The following ANKRD65 variants were observed in gnomAD, a reference collection of about 807,000 sequenced individuals.
ANKRD65 encodes the protein ankyrin repeat domain 65.
In ANKRD65, 26 loss-of-function variants were observed where a neutral mutation model predicts 17.2. That is an observed-to-expected ratio of 1.51 (90% CI 1.11 to 2.09). The LOEUF (loss-of-function observed/expected upper bound fraction) is 2.09, where lower values mean the gene tolerates loss of function less well. ANKRD65 is among the 30% of genes most tolerant of loss of function. ANKRD65 has a pLI of 0.00. For synonymous variants in ANKRD65, 311 were observed against 272.2 expected (o/e 1.14, Z -1.40); for missense variants, 621 against 542.2 (o/e 1.15, Z -1.44).
Position 1,419,433 on chromosome 1 carries a change from G to C in ANKRD65, c.867C>G (p.Val289=), listed in dbSNP as rs1483926809. 6 of 1,549,530 alleles carry C rather than the reference G, an allele frequency of 3.9e-6. No homozygotes were observed. The highest frequency in any genetic ancestry group is 5.2e-6 in the Non-Finnish European group (6 of 1,146,854). Residue 289 remains valine, a synonymous_variant, in exon 4 of 4, where the codon GTC becomes GTG. Transcript: ENST00000537107. The stretch of plus-strand genomic sequence containing the variant: ...GCGCATCCACCTCGGCCCCCTGGGT[G>C]ACCAGCAACTGGACGGCAAGCAGGT... ...RGHLLAVQLL[V]TQGAEVDARD...
In ANKRD65 at chr1:1,421,002, C is replaced by T; in HGVS notation, c.4G>A (p.Asp2Asn). Reference sequence around the variant, plus strand: ...TCTCTGGGCTCAGGCCTCTGGGAGTCCATCTGGGGGGGAGCAGGGATCCTA... The same window carrying T: ...TCTCTGGGCTCAGGCCTCTGGGAGTTCATCTGGGGGGGAGCAGGGATCCTA... M[D>N]SQRPEPREEE... The change falls in exon 2 of 4, where the codon GAC becomes AAC. Residue 2 changes from aspartate to asparagine, a missense_variant. Coordinates refer to ENST00000537107, the MANE Select transcript of ANKRD65 (RefSeq NM_001145210.3). 6.5e-7 allele frequency: 1 copy of T among 1,550,344 alleles called. No individual in the cohort carries two copies. Among genetic ancestry groups the T allele is most frequent in the Non-Finnish European group, 8.7e-7 (1 of 1,146,920 alleles).
Position 1,421,216 on chromosome 1 carries a change from C to G in ANKRD65, c.-84G>C. 1.7e-6 allele frequency: 1 copy of G among 581,140 alleles called. No individual in the cohort carries two copies. The allele number at this position is 581,140 out of a possible 1,614,324, so 36.0% of individuals were successfully genotyped here. ...CTGGCCGAGGCTCAGCCTGGTGACCCTCTTCACAAAATCCCTTCTGCAGGC... is the reference window on the plus strand; with the variant it reads ...CTGGCCGAGGCTCAGCCTGGTGACCGTCTTCACAAAATCCCTTCTGCAGGC... On this transcript the variant is annotated 5_prime_UTR_variant, in exon 1 of 4. Transcript: ENST00000537107.
rs867093491 is a variant in ANKRD65 at position 1,419,526 on chromosome 1, G to A, written c.774C>T (p.His258=). The A allele has an allele frequency of 3.5e-5, 54 of 1,535,726 alleles. No homozygotes were observed. The highest frequency in any genetic ancestry group is 4.0e-5 in the Non-Finnish European group (46 of 1,143,142). Reference sequence around the variant, plus strand: ...TGTCCCTGATGCCTGGGTCTGCCCCGTGGCCCAGCAGCACCTCAATGTCCT... The same window carrying A: ...TGTCCCTGATGCCTGGGTCTGCCCCATGGCCCAGCAGCACCTCAATGTCCT... ...RSQDIEVLLG[H]GADPGIRDRH... Residue 258 remains histidine (H), a synonymous_variant, in exon 4 of 4, where the codon CAC becomes CAT. Coordinates refer to ENST00000537107, the MANE Select transcript of ANKRD65 (RefSeq NM_001145210.3).
chr1:1,419,430 G>A lies in ANKRD65; in HGVS notation c.870C>T (p.Thr290=). Residue 290 remains threonine (T), a synonymous_variant, in exon 4 of 4, where the codon ACC becomes ACT. Coordinates refer to ENST00000537107, the MANE Select transcript of ANKRD65 (RefSeq NM_001145210.3). ...CCCGCGCATCCACCTCGGCCCCCTG[G>A]GTGACCAGCAACTGGACGGCAAGCA... is the stretch of plus-strand genomic sequence containing the variant. The part of the protein sequence containing the change: ...GHLLAVQLLV[T]QGAEVDARDT... The A allele has an allele frequency of 1.3e-6, 2 of 1,549,574 alleles. No homozygotes were observed. The highest frequency in any genetic ancestry group is 1.7e-6 in the Non-Finnish European group (2 of 1,146,844).
Position 1,419,288 on chromosome 1 carries a change from G to T in ANKRD65, c.1012C>A (p.Pro338Thr). The T allele has an allele frequency of 6.5e-7, 1 of 1,550,358 alleles. No individual in the cohort carries two copies. Among genetic ancestry groups the T allele is most frequent in the South Asian group, 1.2e-5 (1 of 84,054 alleles). ...CCTCGCTCTGCAGCCAGGTGTAGGGGGGTCTTTCGGAGCCAGCCGGTAGCA... is the reference window on the plus strand; with the variant it reads ...CCTCGCTCTGCAGCCAGGTGTAGGGTGGTCTTTCGGAGCCAGCCGGTAGCA... ...VDATGWLRKTPLHLAAERGHG... is the reference protein window; with the variant it reads ...VDATGWLRKTTLHLAAERGHG... Residue 338 changes from proline (P) to threonine (T), a missense_variant, in exon 4 of 4, where the codon CCC (proline) becomes ACC (threonine). Physicochemically the swap from Pro to Thr is conservative, Grantham distance 38. Transcript: ENST00000537107.
chr1:1,419,448 G>A lies in ANKRD65; in HGVS notation c.852C>T (p.Ala284=), dbSNP rs772120392. Residue 284 remains alanine (A), a synonymous_variant, in exon 4 of 4, where the codon GCC becomes GCT. Coordinates refer to ENST00000537107, the MANE Select transcript of ANKRD65 (RefSeq NM_001145210.3). The part of the protein sequence containing the change: ...HRAAARGHLL[A]VQLLVTQGAE... ...CCCCCTGGGTGACCAGCAACTGGAC[G>A]GCAAGCAGGTGTCCTCGGGCGGCAG... 8.1e-5 allele frequency: 125 copies of A among 1,549,074 alleles called. No individual in the cohort carries two copies. The highest frequency in any genetic ancestry group is 1.7e-4 in the Middle Eastern group (1 of 6,014).
In ANKRD65 at chr1:1,420,537, G is replaced by A; in HGVS notation, c.265C>T (p.Leu89=). The A allele has an allele frequency of 1.5e-6, 2 of 1,313,776 alleles. No individual in the cohort carries two copies. The highest frequency in any genetic ancestry group is 1.9e-6 in the Non-Finnish European group (2 of 1,037,876). The allele number at this position is 1,313,776 out of a possible 1,614,324, so 81.4% of individuals were successfully genotyped here. A position where few individuals can be genotyped will look rare whatever the true frequency, so the allele number is the denominator to read the frequency against. ...HLAVLRGHAP[L]VRLLLQRGAP... ...CCTCGCTGCAGCAGGAGACGCACCA[G>A]GGGCGCGTGGCCCCGCAGCACGGCC... is the stretch of plus-strand genomic sequence containing the variant. Residue 89 remains leucine, a synonymous_variant, in exon 3 of 4, where the codon CTG becomes TTG. Transcript: ENST00000537107.
Position 1,420,312 on chromosome 1 carries a change from C to T in ANKRD65, c.490G>A (p.Gly164Ser), listed in dbSNP as rs1375208604. Residue 164 changes from glycine (G) to serine (S), a missense_variant, in exon 3 of 4, where the codon GGC becomes AGC. By Grantham distance (56) the Gly-to-Ser change is moderately conservative. Transcript: ENST00000537107. ...LLAARLLEAP[G>S]PGPAAAEAED... ...GCCTCCGCTGCCGCGGGTCCCGGGC[C>T]CGGAGCCTCCAGCAGGCGCGCGGCC... is the stretch of plus-strand genomic sequence containing the variant. The T allele has an allele frequency of 2.8e-6, 3 of 1,090,254 alleles. No homozygotes were observed. The highest frequency in any genetic ancestry group is 5.1e-5 in the Admixed American group (1 of 19,472). 67.5% of individuals were successfully genotyped at this position (1,090,254 alleles called of 1,614,324 possible).
In ANKRD65 at chr1:1,419,458, T is replaced by C. The variant is rs1164385539; in HGVS notation, c.842A>G (p.His281Arg). The C allele has an allele frequency of 4.5e-6, 7 of 1,548,786 alleles. No homozygotes were observed. The South Asian group carries it at 8.3e-5, about 18-fold the overall frequency. Residue 281 changes from histidine to arginine, a missense_variant, in exon 4 of 4, where the codon CAC becomes CGC. His to Arg is a conservative substitution (Grantham distance 29). Coordinates refer to ENST00000537107, the MANE Select transcript of ANKRD65 (RefSeq NM_001145210.3). ...SALHRAAARG[H>R]LLAVQLLVTQ... ...GACCAGCAACTGGACGGCAAGCAGG[T>C]GTCCTCGGGCGGCAGCCCTGTGCAG...
In ANKRD65 at chr1:1,419,448, G is replaced by T. The variant is rs772120392; in HGVS notation, c.852C>A (p.Ala284=). The T allele has an allele frequency of 6.5e-7, 1 of 1,549,192 alleles. No individual in the cohort carries two copies. The highest frequency in any genetic ancestry group is 2.0e-5 in the Admixed American group (1 of 51,006). The stretch of plus-strand genomic sequence containing the variant: ...CCCCCTGGGTGACCAGCAACTGGAC[G>T]GCAAGCAGGTGTCCTCGGGCGGCAG... ...HRAAARGHLL[A]VQLLVTQGAE... The change falls in exon 4 of 4, where the codon GCC becomes GCA. Residue 284 remains alanine, a synonymous_variant. Transcript: ENST00000537107.
chr1:1,419,441 A>T lies in ANKRD65; in HGVS notation c.859T>A (p.Leu287Met). The T allele has an allele frequency of 6.5e-7, 1 of 1,549,340 alleles. No individual in the cohort carries two copies. Among genetic ancestry groups the T allele is most frequent in the Non-Finnish European group, 8.7e-7 (1 of 1,146,834 alleles). The part of the protein sequence containing the change: ...AARGHLLAVQ[L>M]LVTQGAEVDA... ...ACCTCGGCCCCCTGGGTGACCAGCAACTGGACGGCAAGCAGGTGTCCTCGG... is the reference window on the plus strand; with the variant it reads ...ACCTCGGCCCCCTGGGTGACCAGCATCTGGACGGCAAGCAGGTGTCCTCGG... Residue 287 changes from leucine (L) to methionine (M), a missense_variant, in exon 4 of 4, where the codon TTG becomes ATG. Leu to Met is a conservative substitution (Grantham distance 15). Coordinates refer to ENST00000537107, the MANE Select transcript of ANKRD65 (RefSeq NM_001145210.3).
Position 1,419,243 on chromosome 1 carries a change from G to T in ANKRD65, c.1057C>A (p.Leu353Ile). Residue 353 changes from leucine to isoleucine, a missense_variant, in exon 4 of 4, where the codon CTT becomes ATT. Physicochemically the swap from Leu to Ile is conservative, Grantham distance 5 (BLOSUM62 2). Transcript: ENST00000537107. Reference protein sequence around the residue: ...AERGHGPTVGLLLSRGASPTL... With the variant: ...AERGHGPTVGILLSRGASPTL... The stretch of plus-strand genomic sequence containing the variant: ...GGGCTGGCCCCTCGGCTCAGCAGAA[G>T]CCCCACGGTAGGCCCATGCCCTCGC... 6.5e-7 allele frequency: 1 copy of T among 1,550,350 alleles called. No homozygotes were observed. Among genetic ancestry groups the T allele is most frequent in the Non-Finnish European group, 8.7e-7 (1 of 1,146,880 alleles).
chr1:1,419,506 C>T lies in ANKRD65; in HGVS notation c.794G>A (p.Arg265Lys). The T allele has an allele frequency of 6.5e-7, 1 of 1,543,116 alleles. No homozygotes were observed. ...CAGCGCAGAGCGGCCATGCCTGTCC[C>T]TGATGCCTGGGTCTGCCCCGTGGCC... Reference protein sequence around the residue: ...LLGHGADPGIRDRHGRSALHR... With the variant: ...LLGHGADPGIKDRHGRSALHR... Residue 265 changes from arginine (R) to lysine (K), a missense_variant, in exon 4 of 4, where the codon AGG becomes AAG. Coordinates refer to ENST00000537107, the MANE Select transcript of ANKRD65 (RefSeq NM_001145210.3).
intron 3 of ANKRD65, 86 bp from the exon 4 acceptor site, chr1:1,419,635 T>C (rs1645508845): frequency 7.8e-7 from 1 of 1,277,434 alleles, no homozygotes; most frequent in East Asian, 2.6e-5. Flanking sequence ...CCCAGGCCTC[T>C]TCTGTCCCCG....
Position 1,419,651 on chromosome 1 carries a change from G to A in ANKRD65, c.751-102C>T, listed in dbSNP as rs1210425101. ...CCAGGCCTCTTCTGTCCCCGCAGCGGCCTGTCTCTCCTGACACCACTTCCT... is the reference window on the plus strand; with the variant it reads ...CCAGGCCTCTTCTGTCCCCGCAGCGACCTGTCTCTCCTGACACCACTTCCT... On this transcript the variant is annotated intron_variant, in intron 3 of 3. Transcript: ENST00000537107. 3.5e-6 allele frequency: 4 copies of A among 1,138,176 alleles called. No homozygotes were observed. In the African/African-American group the frequency reaches 4.7e-5, roughly 13 times the overall value. The allele number at this position is 1,138,176 out of a possible 1,614,324, so 70.5% of individuals were successfully genotyped here.
chr1:1,420,050 A>G lies in ANKRD65; in HGVS notation c.750+2T>C. ...CACTGCCGGGCGGAGGGCGGGACGT[A>G]CCTGGGAGCGGCCTAGGGCGGCCGC... On this transcript the variant is annotated splice_donor_variant, in intron 3 of 3. Transcript: ENST00000537107. LOFTEE classifies it high-confidence loss of function. 1 of 1,275,632 alleles carries G rather than the reference A, an allele frequency of 7.8e-7. No individual in the cohort carries two copies. Among genetic ancestry groups the G allele is most frequent in the Non-Finnish European group, 9.9e-7 (1 of 1,011,484 alleles). 79.0% of individuals were successfully genotyped at this position (1,275,632 alleles called of 1,614,324 possible).
In ANKRD65 at chr1:1,419,169, G is replaced by C. The variant is rs1557757658; in HGVS notation, c.1131C>G (p.Asp377Glu). ...CAAGTTCAGGCAGCGCCTGGGGCAG[G>C]TCCCCCTCAGGCATCTGGGCCACCT... The part of the protein sequence containing the change: ...WAEVAQMPEG[D>E]LPQALPELGG... The change falls in exon 4 of 4, where the codon GAC (aspartate) becomes GAG (glutamate). Residue 377 changes from aspartate to glutamate, a missense_variant. By Grantham distance (45) the Asp-to-Glu change is conservative. Transcript: ENST00000537107. The C allele has an allele frequency of 1.9e-6, 3 of 1,544,574 alleles. No homozygotes were observed. The highest frequency in any genetic ancestry group is 2.4e-5 in the South Asian group (2 of 83,858).
chr1:1,420,441 G>A lies in ANKRD65; in HGVS notation c.361C>T (p.Arg121Trp). 2.3e-6 allele frequency: 3 copies of A among 1,329,460 alleles called. No homozygotes were observed. Among genetic ancestry groups the A allele is most frequent in the Non-Finnish European group, 1.9e-6 (2 of 1,040,984 alleles). The allele number at this position is 1,329,460 out of a possible 1,614,324, so 82.4% of individuals were successfully genotyped here. Reference sequence around the variant, plus strand: ...CGCTGCAGCAGCAGCTCGGCCACCCGCGAGTGTCCGTGCCAGGCGGCCTCG... The same window carrying A: ...CGCTGCAGCAGCAGCTCGGCCACCCACGAGTGTCCGTGCCAGGCGGCCTCG... ...LHEAAWHGHS[R>W]VAELLLQRGA... is the part of the protein sequence containing the mutation. The change falls in exon 3 of 4, where the codon CGG becomes TGG. Residue 121 changes from arginine (R) to tryptophan (W), a missense_variant. Transcript: ENST00000537107.
chr1:1,420,759 C>G (rs1467771170), intron 2 of ANKRD65, 38 bp downstream of exon 2: 10 of 1,519,234 alleles, frequency 6.6e-6, no homozygotes, highest in Non-Finnish European at 8.8e-6. Context: ...CTGCCCCACC[C>G]AGAGAAGGGA....
Sources: allele counts gnomAD v4.1 joint callset, GRCh38; gene constraint gnomAD v4.1.1; transcripts MANE v1.5; gene names NCBI Gene and HGNC (gene_info 2026-07-23, HGNC 2026-07-21).